Variants in ATP11A observed in about 807,000 individuals in gnomAD.
ATP11A encodes ATPase phospholipid transporting 11A.
A neutral mutation model predicts 154.4 loss-of-function variants in ATP11A; 81 were observed. That is an observed-to-expected ratio of 0.52 (90% confidence interval 0.44 to 0.63). The LOEUF is 0.63. Ranked by LOEUF, ATP11A falls within the 30% of genes least tolerant of loss-of-function variation. ATP11A has a pLI of 0.00. For missense variants in ATP11A, 1,316 were observed against 1,474.3 expected (o/e 0.89, Z 1.76); for synonymous variants, 623 against 585.9 (o/e 1.06, Z -0.91).
chr13:112,735,362 G>A (rs747367595), intron 1 of ATP11A, among the ~76,000 whole-genome samples: 4 of 152,314 alleles, frequency 2.6e-5, no homozygotes, highest in African/African-American at 4.8e-5. Context: ...AGCCTTCCGC[G>A]TGGCTGATGG....
chr13:112,830,102 C>T (rs2079046415), intron 12 of ATP11A, among the ~76,000 whole-genome samples: 1 of 152,218 alleles, frequency 6.6e-6, no homozygotes, highest in Admixed American at 6.5e-5. Flanking sequence ...AGGCTCTGCC[C>T]AGTGGCTGGC....
rs895077578 is a variant in ATP11A, at chr13:112,754,889, CA to C, written c.40-30245del. Among the ~76,000 whole-genome samples, 34 of 152,370 alleles carry C rather than the reference CA, an allele frequency of 2.2e-4. No individual in the cohort carries two copies. Among genetic ancestry groups the C allele is most frequent in the African/African-American group, 7.9e-4 (33 of 41,598 alleles). On this transcript the variant is annotated intron_variant, in intron 1 of 29. Transcript: ENST00000375645. The surrounding 1 kb of genome is among the most constrained non-coding windows in gnomAD (Gnocchi z 5.3). ...GCCCGGCCCCACTGCAGGGCTTCCC[CA>C]GCCCTCCTAGACACCCTGCACTTGC...
At chr13:112,863,698 C>A (rs919106841) in intron 25 of ATP11A, among the ~76,000 whole-genome samples, 4 of 133,860 alleles carry the variant, frequency 3.0e-5, no homozygotes, top group Admixed American at 7.5e-5. Flanking sequence ...CAGTGCAGGC[C>A]TGCGCAGCTT....
At chr13:112,701,264 A>G (rs1886491935) in intron 1 of ATP11A, among the ~76,000 whole-genome samples, 1 of 152,174 alleles carries the variant, frequency 6.6e-6, no homozygotes, top group Non-Finnish European at 1.5e-5. Flanking sequence ...TGTGTTAAGT[A>G]TTGTTGCTGC....
At chr13:112,834,308 T>C (rs1325025117) in intron 14 of ATP11A, among the ~76,000 whole-genome samples, 4 of 152,218 alleles carry the variant, frequency 2.6e-5, no homozygotes, top group Non-Finnish European at 5.9e-5. Flanking sequence ...GTGCCTGCCA[T>C]GCTCTTCTGG....
At chr13:112,784,160 T>C (rs561547646) in intron 1 of ATP11A, among the ~76,000 whole-genome samples, 2 of 152,138 alleles carry the variant, frequency 1.3e-5, no homozygotes, top group South Asian at 4.1e-4. Flanking sequence ...CGGAGAGGAG[T>C]AGCTCAGGGC....
chr13:112,859,542 A>G lies in ATP11A; in HGVS notation c.2727+90A>G. The G allele has an allele frequency of 3.6e-6, 4 of 1,106,898 alleles. No homozygotes were observed. Among genetic ancestry groups the G allele is most frequent in the Non-Finnish European group, 5.5e-6 (4 of 725,326 alleles). The allele number at this position is 1,106,898 out of a possible 1,614,324, so 68.6% of individuals were successfully genotyped here. A position where few individuals can be genotyped will look rare whatever the true frequency, so the allele number is the denominator to read the frequency against. ...TGCTGTGGGGAGGGGAGACTTGGGA[A>G]TGAGCAGCACTCCCCGGCACCACGA... On this transcript the variant is annotated intron_variant, in intron 23 of 29. Transcript: ENST00000375645. This position sits in a 1 kb window ranked among gnomAD's most constrained non-coding sequence, Gnocchi z 4.3.
Position 112,750,980 on chromosome 13 carries a change from T to C in ATP11A, c.40-34155T>C, listed in dbSNP as rs935379554. On this transcript the variant is annotated intron_variant, in intron 1 of 29. Coordinates refer to ENST00000375645, the MANE Select transcript of ATP11A (RefSeq NM_015205.3). ...GGTGTAATGTCATCATGAGGTACAA[T>C]AGCATTATTATTCCCACTTTAGAGA... 2.0e-5 allele frequency among the ~76,000 whole-genome samples: 3 copies of C among 152,244 alleles called. No homozygotes were observed. The South Asian group carries it at 6.2e-4, about 32-fold the overall frequency.
At chr13:112,839,626 G>A (rs1314774268) in intron 16 of ATP11A, among the ~76,000 whole-genome samples, 1 of 152,160 alleles carries the variant, frequency 6.6e-6, no homozygotes. Context: ...CTGTGTGTTC[G>A]GTTATGTCAC....
intron 12 of ATP11A, among the ~76,000 whole-genome samples, chr13:112,829,714 A>G (rs556918548): frequency 1.9e-3 from 288 of 152,360 alleles, no homozygotes; most frequent in Non-Finnish European, 3.3e-3. Flanking sequence ...GTGAGGCAAG[A>G]AAAAGAAAAG....
At chr13:112,783,285 TG>T (rs1289449953) in intron 1 of ATP11A, among the ~76,000 whole-genome samples, 3 of 152,160 alleles carry the variant, frequency 2.0e-5, no homozygotes, top group Admixed American at 6.5e-5. Flanking sequence ...AGACCCTGCC[TG>T]CCTTTTTTGG....
chr13:112,818,832 C>T (rs1594788424), intron 6 of ATP11A, among the ~76,000 whole-genome samples: 2 of 152,346 alleles, frequency 1.3e-5, no homozygotes, highest in East Asian at 1.9e-4. Flanking sequence ...AGGAGCCCCC[C>T]GGCCCAGGCC....
intron 1 of ATP11A, among the ~76,000 whole-genome samples, chr13:112,762,438 C>T (rs1055227540): frequency 6.6e-6 from 1 of 152,128 alleles, no homozygotes; most frequent in African/African-American, 2.4e-5. Flanking sequence ...TCTCTATGGG[C>T]CCCCGAGACT....
chr13:112,709,153 C>A lies in ATP11A; in HGVS notation c.39+18698C>A, dbSNP rs139766231. Among the ~76,000 whole-genome samples the A allele has an allele frequency of 3.4e-3, 520 of 152,304 alleles. 1 individual carries two copies. Among genetic ancestry groups the A allele is most frequent in the Middle Eastern group, 6.8e-3 (2 of 294 alleles). ...TCCTGGCTGTGTCTTCAGGACTAAG[C>A]TCTGATTTTTTTTTAAATTTACCCA... On this transcript the variant is annotated intron_variant, in intron 1 of 29. Coordinates refer to ENST00000375645, the MANE Select transcript of ATP11A (RefSeq NM_015205.3).
chr13:112,739,088 A>C (rs1891281325), intron 1 of ATP11A, among the ~76,000 whole-genome samples: 1 of 152,232 alleles, frequency 6.6e-6, no homozygotes, highest in Non-Finnish European at 1.5e-5. Flanking sequence ...ATGGTATAAA[A>C]AGCATAAGCA....
In ATP11A at chr13:112,690,558, G is replaced by A; in HGVS notation, c.39+103G>A. 2 of 1,132,810 alleles carry A rather than the reference G, an allele frequency of 1.8e-6. No homozygotes were observed. Among genetic ancestry groups the A allele is most frequent in the Non-Finnish European group, 2.2e-6 (2 of 896,040 alleles). The allele number at this position is 1,132,810 out of a possible 1,614,324, so 70.2% of individuals were successfully genotyped here. ...CCGGTCCAGCCCCGGGGTCCCGGGA[G>A]GTCTCCGATGTCTGGGACTCGGACC... On this transcript the variant is annotated intron_variant, in intron 1 of 29. Transcript: ENST00000375645. This position sits in a 1 kb window ranked among gnomAD's most constrained non-coding sequence, Gnocchi z 5.6.
At chr13:112,808,401 T>C (rs1473336046) in intron 4 of ATP11A, among the ~76,000 whole-genome samples, 6 of 152,090 alleles carry the variant, frequency 3.9e-5, no homozygotes, top group Non-Finnish European at 1.5e-5. Context: ...CGCGTCCTGC[T>C]ACCCAGCTTT....
chr13:112,777,677 G>T (rs188881837), intron 1 of ATP11A, among the ~76,000 whole-genome samples: 8 of 152,216 alleles, frequency 5.3e-5, no homozygotes, highest in African/African-American at 7.2e-5. Context: ...TGTGCTGTGC[G>T]GTTACAGCTG....
chr13:112,709,689 G>T (rs993171056), intron 1 of ATP11A, among the ~76,000 whole-genome samples: 1 of 150,260 alleles, frequency 6.7e-6, no homozygotes, highest in African/African-American at 2.5e-5. Context: ...GAGTTGTCTC[G>T]CCTTTCTGAA....
Sources: allele counts gnomAD v4.1 joint callset (sites outside exome capture counted in the v4.1 genomes callset), GRCh38; gene constraint gnomAD v4.1.1; non-coding constraint Gnocchi (gnomAD v3.1); transcripts MANE v1.5; gene names NCBI Gene and HGNC (gene_info 2026-07-23, HGNC 2026-07-21).